Variants in SLCO1C1 observed in about 807,000 individuals in gnomAD.
SLCO1C1 encodes solute carrier organic anion transporter family member 1C1, also known as OAT-RP-5.
In SLCO1C1, 70 loss-of-function variants were observed where a neutral mutation model predicts 76.4. The ratio of observed to expected loss-of-function variants is 0.92; its 90% CI spans 0.76 to 1.12. SLCO1C1 has a LOEUF of 1.12. Among genes scored for constraint, SLCO1C1 ranks in the 50% most tolerant of loss-of-function variants. The pLI, the probability that SLCO1C1 is intolerant of heterozygous loss-of-function variation, is 0.00. For missense variants in SLCO1C1, 912 were observed against 823.8 expected, an observed-to-expected ratio of 1.11 and a Z score of -1.31; for synonymous variants, 306 against 286.1, an observed-to-expected ratio of 1.07 and a Z score of -0.70.
chr12:20,752,156 A>G (rs1949335659), intron 14 of SLCO1C1, 150 bp from the exon 15 acceptor site: 1 of 512,090 alleles, frequency 2.0e-6, no homozygotes, highest in Non-Finnish European at 3.4e-6. Flanking sequence ...TGCCTTCAAC[A>G]GTCTGTCAGT....
intron 5 of SLCO1C1, 127 bp downstream of exon 5, chr12:20,711,637 C>G (rs1430429423): frequency 4.4e-6 from 4 of 918,330 alleles, no homozygotes; most frequent in South Asian, 1.8e-5. Flanking sequence ...TGAGATATCA[C>G]AGTACCATAA....
At chr12:20,725,271 A>G (rs920460390) in intron 9 of SLCO1C1, among the ~76,000 whole-genome samples, 2 of 141,464 alleles carry the variant, frequency 1.4e-5, no homozygotes, top group Admixed American at 7.2e-5. Flanking sequence ...ATATGTATTA[A>G]TATAATATAT....
chr12:20,709,459 T>C (rs1392553036), intron 4 of SLCO1C1, among the ~76,000 whole-genome samples: 1 of 152,188 alleles, frequency 6.6e-6, no homozygotes, highest in Non-Finnish European at 1.5e-5. Flanking sequence ...AAATACTCCA[T>C]GATCACCATC....
At chr12:20,750,029 GACA>G (rs1264482835) in intron 13 of SLCO1C1, among the ~76,000 whole-genome samples, 1 of 152,166 alleles carries the variant, frequency 6.6e-6, no homozygotes, top group Non-Finnish European at 1.5e-5. Flanking sequence ...TGAAATGTAA[GACA>G]ACAATCTTGC....
chr12:20,748,733 T>C (rs1220386526), intron 13 of SLCO1C1, among the ~76,000 whole-genome samples: 1 of 152,188 alleles, frequency 6.6e-6, no homozygotes, highest in Non-Finnish European at 1.5e-5. Flanking sequence ...GCCAGTTGTT[T>C]TGTAAAATAT....
In SLCO1C1 at chr12:20,715,127, C is replaced by G; in HGVS notation, c.530-12C>G. The G allele has an allele frequency of 6.2e-7, 1 of 1,613,468 alleles. No homozygotes were observed. Among genetic ancestry groups the G allele is most frequent in the Middle Eastern group, 1.6e-4 (1 of 6,062 alleles). ...ATCTATTTTCAATCCTCTGGTTTGC[C>G]TTTCTTTCAAGAATGTGAAGTGGAC... On this transcript the variant is annotated splice_polypyrimidine_tract_variant and intron_variant, in intron 5 of 14. Transcript: ENST00000266509.
intron 5 of SLCO1C1, among the ~76,000 whole-genome samples, chr12:20,713,212 T>A (rs2120691072): frequency 6.6e-6 from 1 of 151,528 alleles, no homozygotes; most frequent in South Asian, 2.1e-4. Context: ...CCCGAGTAGC[T>A]GGGACTACAG....
chr12:20,740,300 T>C lies in SLCO1C1; in HGVS notation c.1665T>C (p.Leu555=). 1 of 1,613,968 alleles carries C rather than the reference T, an allele frequency of 6.2e-7. No homozygotes were observed. Among genetic ancestry groups the C allele is most frequent in the Non-Finnish European group, 8.5e-7 (1 of 1,179,934 alleles). ...NGCPQMFLYF[L]VISVITSYTL... ...GTCCCCAAATGTTTCTGTATTTCCTTGTAATTTCAGTCATCACATCCTATA... is the reference window on the plus strand; with the variant it reads ...GTCCCCAAATGTTTCTGTATTTCCTCGTAATTTCAGTCATCACATCCTATA... Residue 555 remains leucine (L), a synonymous_variant, in exon 12 of 15, where the codon CTT becomes CTC. Transcript: ENST00000266509.
chr12:20,728,004 C>A (rs73069303), intron 9 of SLCO1C1, among the ~76,000 whole-genome samples: 1 of 152,128 alleles, frequency 6.6e-6, no homozygotes, highest in Non-Finnish European at 1.5e-5. Context: ...TCTCTTGCTG[C>A]GCAGAAGCTC....
chr12:20,728,140 G>C (rs919293300), intron 9 of SLCO1C1, among the ~76,000 whole-genome samples: 1 of 152,064 alleles, frequency 6.6e-6, no homozygotes, highest in African/African-American at 2.4e-5. Context: ...GATTTTTATA[G>C]TTTAAATTCT....
intron 10 of SLCO1C1, 96 bp from the exon 11 acceptor site, chr12:20,737,011 G>T: frequency 8.9e-7 from 1 of 1,118,052 alleles, no homozygotes; most frequent in South Asian, 2.7e-5. Flanking sequence ...TTTGTTCATA[G>T]TATCATTTAT....
At chr12:20,725,209 TAAA>T (rs1381817886) in intron 9 of SLCO1C1, among the ~76,000 whole-genome samples, 2 of 137,430 alleles carry the variant, frequency 1.5e-5, no homozygotes, top group Non-Finnish European at 3.0e-5. Context: ...AATAGTATTT[TAAA>T]TAATTATAGT....
chr12:20,748,377 T>C (rs187744222), intron 13 of SLCO1C1, among the ~76,000 whole-genome samples: 14 of 152,296 alleles, frequency 9.2e-5, no homozygotes, highest in Non-Finnish European at 1.3e-4. Context: ...AATATTTTGC[T>C]GAATCATTTG....
chr12:20,740,787 T>TTATATATATATATATA (rs71039980), intron 12 of SLCO1C1, among the ~76,000 whole-genome samples: 1,203 of 74,822 alleles, frequency 0.016, 29 homozygotes, highest in African/African-American at 0.034. Flanking sequence ...TTTATTTTAT[T>TTATATATATATATATA]TATATATATA....
At chr12:20,705,106 G>T (rs1035070122) in intron 3 of SLCO1C1, among the ~76,000 whole-genome samples, 1 of 151,750 alleles carries the variant, frequency 6.6e-6, no homozygotes, top group Non-Finnish European at 1.5e-5. Flanking sequence ...GTATTTTTAC[G>T]CACAGCAAAG....
intron 12 of SLCO1C1, among the ~76,000 whole-genome samples, chr12:20,740,655 C>A (rs575630483): frequency 2.0e-5 from 3 of 151,022 alleles, no homozygotes; most frequent in East Asian, 3.9e-4. Context: ...CTACTTCTAA[C>A]GCTGGTGATA....
intron 4 of SLCO1C1, among the ~76,000 whole-genome samples, chr12:20,707,410 C>T (rs1311381958): frequency 1.3e-5 from 2 of 151,882 alleles, no homozygotes; most frequent in African/African-American, 2.4e-5. Flanking sequence ...AAAGCAGTTC[C>T]ACTACTGAAA....
At chr12:20,742,013 G>C (rs1402639224) in intron 12 of SLCO1C1, among the ~76,000 whole-genome samples, 2 of 152,060 alleles carry the variant, frequency 1.3e-5, no homozygotes, top group African/African-American at 4.8e-5. Context: ...AAATTGTTTA[G>C]GAATGACAAA....
rs534946900 is a variant in SLCO1C1, at chr12:20,717,648, C to CTTTTTTTT, written c.775+455_775+462dup. Reference sequence around the variant, plus strand: ...GTCTACTGGCAACCAAACAGCCCTTCTTTTTTTTTTTTTTTTTTTTTTTTT... The same window carrying CTTTTTTTT: ...GTCTACTGGCAACCAAACAGCCCTTCTTTTTTTTTTTTTTTTTTTTTTTTTTTTTTTTT... On this transcript the variant is annotated intron_variant, in intron 7 of 14. Transcript: ENST00000266509. 2.7e-3 allele frequency among the ~76,000 whole-genome samples: 114 copies of CTTTTTTTT among 42,304 alleles called. 6 individuals are homozygous for CTTTTTTTT. Among genetic ancestry groups the CTTTTTTTT allele is most frequent in the Non-Finnish European group, 3.4e-3 (68 of 19,840 alleles). 27.8% of individuals were successfully genotyped at this position (42,304 alleles called of 152,430 possible).
Sources: allele counts gnomAD v4.1 joint callset (sites outside exome capture counted in the v4.1 genomes callset), GRCh38; gene constraint gnomAD v4.1.1; transcripts MANE v1.5; gene names NCBI Gene and HGNC (gene_info 2026-07-23, HGNC 2026-07-21).